OSBPL10: variants seen among roughly 807,000 people sequenced by gnomAD.
OSBPL10 encodes the protein oxysterol binding protein like 10.
In OSBPL10, 49 loss-of-function variants were observed where a neutral mutation model predicts 81.7. The observed-to-expected ratio is 0.60, with a 90% CI of 0.48 to 0.76. OSBPL10 has a LOEUF of 0.76. Among genes scored for constraint, OSBPL10 ranks in the 30% least tolerant of loss-of-function variants. OSBPL10 has a pLI of 0.00. For synonymous variants in OSBPL10, 419 were observed against 383.6 expected (o/e 1.09, Z -1.08); for missense variants, 923 against 987.8 (o/e 0.93, Z 0.88).
chr3:31,829,185 C>A (rs1329227927), intron 4 of OSBPL10, among the ~76,000 whole-genome samples: 1 of 152,184 alleles, frequency 6.6e-6, no homozygotes, highest in African/African-American at 2.4e-5. Context: ...CTGCCACTTT[C>A]TCTAAGAGGA....
chr3:31,774,502 G>GT (rs1386063635), intron 4 of OSBPL10, among the ~76,000 whole-genome samples: 1 of 103,854 alleles, frequency 9.6e-6, no homozygotes, highest in Non-Finnish European at 1.9e-5. Flanking sequence ...TTTGTTTTCT[G>GT]TTTTTGTTTT....
At chr3:32,032,678 A>C (rs1009988319) in intron 2 of OSBPL10, among the ~76,000 whole-genome samples, 1 of 152,190 alleles carries the variant, frequency 6.6e-6, no homozygotes, top group Non-Finnish European at 1.5e-5. Context: ...GAATTACTAC[A>C]TCTCCAATTT....
At chr3:31,856,680 G>A (rs2125587460) in intron 3 of OSBPL10, among the ~76,000 whole-genome samples, 1 of 152,284 alleles carries the variant, frequency 6.6e-6, no homozygotes, top group South Asian at 2.1e-4. Flanking sequence ...CCAATGATTT[G>A]GGAAAGAAAA....
chr3:31,814,073 C>T (rs74497183), intron 4 of OSBPL10, among the ~76,000 whole-genome samples: 1,623 of 152,226 alleles, frequency 0.011, 35 homozygotes, highest in African/African-American at 0.037. Flanking sequence ...CTAGGGCAAA[C>T]GTTAGTGGGG....
intron 7 of OSBPL10, among the ~76,000 whole-genome samples, chr3:31,688,465 C>G (rs1490469725): frequency 6.6e-6 from 1 of 152,044 alleles, no homozygotes; most frequent in Non-Finnish European, 1.5e-5. Flanking sequence ...TCCTCTGCAC[C>G]TCACACATAT....
intron 3 of OSBPL10, among the ~76,000 whole-genome samples, chr3:31,858,297 A>C (rs1320103950): frequency 2.6e-5 from 4 of 152,058 alleles, no homozygotes; most frequent in African/African-American, 9.7e-5. Flanking sequence ...CACTGTGCCC[A>C]GCCCCCTATG....
chr3:31,965,592 ATATAT>A (rs1332078259), intron 1 of OSBPL10, among the ~76,000 whole-genome samples: 4 of 82,458 alleles, frequency 4.9e-5, no homozygotes, highest in Non-Finnish European at 8.3e-5. Flanking sequence ...TATATAAATT[ATATAT>A]TATATAATAT....
At chr3:31,800,624 C>T (rs1427652738) in intron 4 of OSBPL10, among the ~76,000 whole-genome samples, 1 of 152,224 alleles carries the variant, frequency 6.6e-6, no homozygotes, top group Non-Finnish European at 1.5e-5. Context: ...TACGAATAAA[C>T]AATCACCATG....
intron 11 of OSBPL10, 113 bp from the exon 12 acceptor site, chr3:31,662,229 G>A (rs1012582076): frequency 8.5e-5 from 132 of 1,553,930 alleles, no homozygotes; most frequent in East Asian, 1.2e-4. Flanking sequence ...TACCTCACAC[G>A]CAGGCCAGGC....
rs141640356 is a variant in OSBPL10, at chr3:31,725,721, C to A, written c.1095+7536G>T. ...CATATGTAAGTCATATGTCACTCAACAGGTTAAATTTACTTCTACTGGAAC... is the reference window on the plus strand; with the variant it reads ...CATATGTAAGTCATATGTCACTCAAAAGGTTAAATTTACTTCTACTGGAAC... On this transcript the variant is annotated intron_variant, in intron 6 of 11. Coordinates refer to ENST00000396556, the MANE Select transcript of OSBPL10 (RefSeq NM_017784.5). 2.6e-3 allele frequency among the ~76,000 whole-genome samples: 402 copies of A among 152,276 alleles called. 4 individuals are homozygous for A. The highest frequency in any genetic ancestry group is 9.3e-3 in the African/African-American group (387 of 41,552).
At chr3:31,897,322 T>G (rs1192822357) in intron 1 of OSBPL10, among the ~76,000 whole-genome samples, 2 of 152,088 alleles carry the variant, frequency 1.3e-5, no homozygotes, top group Non-Finnish European at 2.9e-5. Context: ...AAAAACGAAC[T>G]GGTGAGCTGG....
At chr3:31,833,705 G>GCGCA (rs1553631714) in intron 3 of OSBPL10, among the ~76,000 whole-genome samples, 26,057 of 137,894 alleles carry the variant, frequency 0.19, 2,430 homozygotes, top group Non-Finnish European at 0.22. Flanking sequence ...ACACGCACAC[G>GCGCA]CACACACACA....
At chr3:31,959,734 G>A (rs149901457) in intron 1 of OSBPL10, among the ~76,000 whole-genome samples, 6 of 152,292 alleles carry the variant, frequency 3.9e-5, no homozygotes, top group African/African-American at 1.2e-4. Flanking sequence ...GACAAACTCC[G>A]TGTGTAACTT....
intron 1 of OSBPL10, among the ~76,000 whole-genome samples, chr3:31,947,635 T>C (rs1036822635): frequency 1.3e-5 from 2 of 152,048 alleles, no homozygotes; most frequent in Admixed American, 1.3e-4. Context: ...AGTCTAAAGA[T>C]GACCAACACA....
intron 4 of OSBPL10, chr3:31,794,668 T>C: frequency 6.5e-6 from 2 of 309,164 alleles, no homozygotes; most frequent in Admixed American, 3.7e-5. Context: ...AGAGGCACCA[T>C]ATAAGCAGAG....
chr3:32,032,963 A>T (rs1699486762), intron 2 of OSBPL10, among the ~76,000 whole-genome samples: 1 of 152,234 alleles, frequency 6.6e-6, no homozygotes, highest in Non-Finnish European at 1.5e-5. Flanking sequence ...TATCAGCAAT[A>T]AAATGTAAAA....
In OSBPL10 at chr3:31,812,812, A is replaced by G. The variant is rs1004375891; in HGVS notation, c.729+17228T>C. 4.3e-3 allele frequency among the ~76,000 whole-genome samples: 249 copies of G among 58,090 alleles called. 16 individuals carry two copies. The highest frequency in any genetic ancestry group is 0.017 in the African/African-American group (242 of 13,980). 38.1% of individuals were successfully genotyped at this position (58,090 alleles called of 152,430 possible). A position where few individuals can be genotyped will look rare whatever the true frequency, so the allele number is the denominator to read the frequency against. ...AAAGAAAGAAAGAAAGAAAGAAAGA[A>G]AGAAAGAGAAAGAAAGAAAGAAAGA... On this transcript the variant is annotated intron_variant, in intron 4 of 11. Coordinates refer to ENST00000396556, the MANE Select transcript of OSBPL10 (RefSeq NM_017784.5).
chr3:31,753,953 T>G (rs917113926), intron 4 of OSBPL10, among the ~76,000 whole-genome samples: 1 of 152,186 alleles, frequency 6.6e-6, no homozygotes, highest in African/African-American at 2.4e-5. Flanking sequence ...TAAGTTGATA[T>G]GTGGAGAGCT....
At chr3:31,810,359 T>C (rs934758780) in intron 4 of OSBPL10, among the ~76,000 whole-genome samples, 2 of 152,180 alleles carry the variant, frequency 1.3e-5, no homozygotes, top group African/African-American at 4.8e-5. Flanking sequence ...ATAAAGCTGC[T>C]TTTAAAAGGA....
Sources: allele counts gnomAD v4.1 joint callset (sites outside exome capture counted in the v4.1 genomes callset), GRCh38; gene constraint gnomAD v4.1.1; transcripts MANE v1.5; gene names NCBI Gene and HGNC (gene_info 2026-07-23, HGNC 2026-07-21).